SDK1: variants seen among roughly 807,000 people sequenced by gnomAD.
The protein encoded by SDK1 is protein sidekick-1.
SDK1 carries 157 observed loss-of-function variants against 245.5 expected under a neutral mutation model. That is an observed-to-expected ratio of 0.64 (90% confidence interval 0.56 to 0.73). The LOEUF is 0.73. Ranked by LOEUF, SDK1 falls within the 30% of genes least tolerant of loss-of-function variation. SDK1 has a pLI of 0.00. For missense variants in SDK1, 3,583 were observed against 3,002.3 expected (o/e 1.19, Z -4.52); for synonymous variants, 1,647 against 1,278.5 (o/e 1.29, Z -6.15).
At chr7:4,245,650 A>G in intron 43 of SDK1, 26 bp from the exon 44 acceptor site, 2 of 1,609,684 alleles carry the variant, frequency 1.2e-6, no homozygotes, top group Non-Finnish European at 1.7e-6. Context: ...CCCAGAGGGT[A>G]ATTGCAGCAT....
rs185156253 is a variant in SDK1 at position 4,031,969 on chromosome 7, G to A, written c.2602+14617G>A. ...TTGAACCTGAGAGGCAGAGGTTGCA[G>A]TGAGTTGAGATAGCGCCACTGCACT... On this transcript the variant is annotated intron_variant, in intron 17 of 44. Transcript: ENST00000404826. Among the ~76,000 whole-genome samples the A allele has an allele frequency of 5.3e-3, 803 of 150,904 alleles. 6 individuals carry two copies. Among genetic ancestry groups the A allele is most frequent in the South Asian group, 0.04 (188 of 4,746 alleles).
rs1779499439 is a variant in SDK1 at position 3,309,523 on chromosome 7, G to GTTTTTTT, written c.298+7639_298+7640insTTTTTTT. 6.5e-5 allele frequency among the ~76,000 whole-genome samples: 3 copies of GTTTTTTT among 46,490 alleles called. No individual in the cohort carries two copies. The Admixed American group carries it at 6.6e-4, about 10-fold the overall frequency. 30.5% of individuals were successfully genotyped at this position (46,490 alleles called of 152,430 possible). A position where few individuals can be genotyped will look rare whatever the true frequency, so the allele number is the denominator to read the frequency against. Reference sequence around the variant, plus strand: ...TAGTGGCAGAGTGTCACTAGAAAAAGATTTTTTTTTTTTTTTTTTACATGA... The same window carrying GTTTTTTT: ...TAGTGGCAGAGTGTCACTAGAAAAAGTTTTTTTATTTTTTTTTTTTTTTTTTACATGA... On this transcript the variant is annotated intron_variant, in intron 1 of 44. Transcript: ENST00000404826.
intron 1 of SDK1, among the ~76,000 whole-genome samples, chr7:3,448,277 T>G (rs949727904): frequency 3.3e-5 from 5 of 152,284 alleles, no homozygotes; most frequent in African/African-American, 1.2e-4. Flanking sequence ...GTTGAACGGC[T>G]TATGTTTATT....
At chr7:3,655,973 C>T (rs956673539) in intron 4 of SDK1, among the ~76,000 whole-genome samples, 1 of 152,142 alleles carries the variant, frequency 6.6e-6, no homozygotes, top group Admixed American at 6.5e-5. Flanking sequence ...ATTGAATATA[C>T]ATGTGGAAAC....
At chr7:3,516,118 CT>C (rs11371619) in intron 1 of SDK1, among the ~76,000 whole-genome samples, 224 of 139,856 alleles carry the variant, frequency 1.6e-3, no homozygotes, top group Admixed American at 2.3e-3. Context: ...AAGATATTTT[CT>C]TTTTTTTTTT....
chr7:4,181,588 C>T (rs1400651855), intron 35 of SDK1, among the ~76,000 whole-genome samples: 1 of 152,298 alleles, frequency 6.6e-6, no homozygotes, highest in East Asian at 1.9e-4. Flanking sequence ...TCCAGCCCTC[C>T]TTTCCAGAGG....
intron 1 of SDK1, among the ~76,000 whole-genome samples, chr7:3,446,577 A>G (rs1331571261): frequency 1.3e-5 from 2 of 152,182 alleles, no homozygotes; most frequent in Non-Finnish European, 2.9e-5. Flanking sequence ...TTTTGGATCA[A>G]TTCAACTCAA....
chr7:3,977,959 G>C (rs1452781005), intron 13 of SDK1, among the ~76,000 whole-genome samples: 1 of 152,136 alleles, frequency 6.6e-6, no homozygotes, highest in East Asian at 1.9e-4. Flanking sequence ...CACATGCCCT[G>C]GTTTCCCCAC....
intron 35 of SDK1, among the ~76,000 whole-genome samples, chr7:4,194,030 A>G (rs1159741561): frequency 6.6e-6 from 1 of 152,162 alleles, no homozygotes; most frequent in African/African-American, 2.4e-5. Flanking sequence ...TACTAGAAGT[A>G]GAGTCCTTAG....
chr7:3,527,322 T>A (rs924664734), intron 1 of SDK1, among the ~76,000 whole-genome samples: 3 of 151,852 alleles, frequency 2.0e-5, no homozygotes. Context: ...AGCTGCAGAG[T>A]GTTGAGTACT....
chr7:3,621,201 A>G (rs1326100799), intron 2 of SDK1, among the ~76,000 whole-genome samples: 2 of 152,190 alleles, frequency 1.3e-5, no homozygotes, highest in African/African-American at 2.4e-5. Flanking sequence ...GAAGGGGTGT[A>G]AGAAAGCAGA....
chr7:3,817,074 T>C (rs1200492121), intron 4 of SDK1, among the ~76,000 whole-genome samples: 1 of 152,206 alleles, frequency 6.6e-6, no homozygotes. Flanking sequence ...TATAAATTGA[T>C]GTGGATATTA....
At chr7:3,893,948 G>C (rs1023628593) in intron 5 of SDK1, among the ~76,000 whole-genome samples, 1 of 152,174 alleles carries the variant, frequency 6.6e-6, no homozygotes. Context: ...CATCTGAACT[G>C]CCTGTGATGT....
intron 4 of SDK1, among the ~76,000 whole-genome samples, chr7:3,784,925 C>G (rs184091217): frequency 6.6e-6 from 1 of 152,326 alleles, no homozygotes; most frequent in Non-Finnish European, 1.5e-5. Flanking sequence ...CAGCATTATT[C>G]ACAGTAGCTG....
intron 4 of SDK1, among the ~76,000 whole-genome samples, chr7:3,721,385 A>G (rs930266322): frequency 3.3e-5 from 5 of 152,208 alleles, no homozygotes; most frequent in Non-Finnish European, 5.9e-5. Flanking sequence ...GGTTGGGTGA[A>G]GGATGAATGG....
chr7:3,487,054 G>A (rs1221723828), intron 1 of SDK1, among the ~76,000 whole-genome samples: 1 of 152,138 alleles, frequency 6.6e-6, no homozygotes, highest in Non-Finnish European at 1.5e-5. Context: ...CACTCAGCTC[G>A]CCATTGTGTT....
chr7:3,535,102 C>T (rs376303731), intron 1 of SDK1, among the ~76,000 whole-genome samples: 7 of 152,140 alleles, frequency 4.6e-5, no homozygotes, highest in African/African-American at 1.7e-4. Flanking sequence ...GGTGAAACCC[C>T]GTCTCTACTT....
chr7:3,939,121 G>A (rs1780265832), intron 5 of SDK1, among the ~76,000 whole-genome samples: 1 of 152,204 alleles, frequency 6.6e-6, no homozygotes, highest in South Asian at 2.1e-4. Flanking sequence ...CTCCTGCTGG[G>A]CAGGAAACGA....
intron 1 of SDK1, among the ~76,000 whole-genome samples, chr7:3,520,611 C>A (rs1782905897): frequency 6.6e-6 from 1 of 152,182 alleles, no homozygotes; most frequent in Admixed American, 6.5e-5. Context: ...TGTATCTGAC[C>A]TGCTTCCTTA....
Sources: allele counts gnomAD v4.1 joint callset (sites outside exome capture counted in the v4.1 genomes callset), GRCh38; gene constraint gnomAD v4.1.1; transcripts MANE v1.5; gene names NCBI Gene and HGNC (gene_info 2026-07-23, HGNC 2026-07-21).